SRGAP3: variants seen among roughly 807,000 people sequenced by gnomAD.
The protein encoded by SRGAP3 is SLIT-ROBO Rho GTPase activating protein 3.
Under a neutral mutation model 121.1 loss-of-function variants are expected in SRGAP3, and 39 were observed. That is an observed-to-expected ratio of 0.32 (90% CI 0.25 to 0.42). The LOEUF is 0.42. Ranked by LOEUF, SRGAP3 falls within the 10% of genes least tolerant of loss-of-function variation. SRGAP3 has a pLI of 1.00. For missense variants in SRGAP3, 1,213 were observed against 1,470.6 expected (o/e 0.82, Z 2.86); for synonymous variants, 601 against 570.0 (o/e 1.05, Z -0.77).
chr3:9,286,680 A>G (rs35808858), intron 3 of SRGAP3, among the ~76,000 whole-genome samples: 28,598 of 145,134 alleles, frequency 0.2, 3,352 homozygotes, highest in African/African-American at 0.29. Flanking sequence ...TCGGCTCACT[A>G]CAAGCTTCGC....
At chr3:9,148,529 T>G (rs1022543597) in intron 1 of SRGAP3, among the ~76,000 whole-genome samples, 2 of 152,364 alleles carry the variant, frequency 1.3e-5, no homozygotes, top group East Asian at 3.9e-4. Flanking sequence ...GGCAATTATT[T>G]GAAACAGGGT....
intron 3 of SRGAP3, among the ~76,000 whole-genome samples, chr3:9,298,542 C>T (rs1954992926): frequency 6.7e-6 from 1 of 149,262 alleles, no homozygotes; most frequent in Non-Finnish European, 1.5e-5. Context: ...CATGCCCCTC[C>T]TTCTACCAGA....
Position 8,982,432 on chromosome 3 carries a change from G to A in SRGAP3, c.*3087C>T. 1 of 224,006 alleles carries A rather than the reference G, an allele frequency of 4.5e-6. No individual in the cohort carries two copies. Among genetic ancestry groups the A allele is most frequent in the South Asian group, 1.8e-4 (1 of 5,434 alleles). 13.9% of individuals were successfully genotyped at this position (224,006 alleles called of 1,614,324 possible). ...TTACTACATTTCCCCCACACTCACT[G>A]TACAGTTAGGTATTTGTTTTTACAT... On this transcript the variant is annotated 3_prime_UTR_variant, in exon 22 of 22. Coordinates refer to ENST00000383836, the MANE Select transcript of SRGAP3 (RefSeq NM_014850.4).
At chr3:9,096,634 C>A (rs541432972) in intron 3 of SRGAP3, among the ~76,000 whole-genome samples, 1 of 151,780 alleles carries the variant, frequency 6.6e-6, no homozygotes, top group Admixed American at 6.6e-5. Context: ...CTCCACACGG[C>A]ACTGGATGAA....
intron 3 of SRGAP3, among the ~76,000 whole-genome samples, chr3:9,261,063 T>C (rs1478843510): frequency 1.3e-5 from 2 of 152,126 alleles, no homozygotes; most frequent in Non-Finnish European, 2.9e-5. Flanking sequence ...GCAAACAGGA[T>C]CTGGAGTGGA....
chr3:9,352,001 C>T (rs2030193525), intron 1 of SRGAP3, among the ~76,000 whole-genome samples: 1 of 152,182 alleles, frequency 6.6e-6, no homozygotes, highest in South Asian at 2.1e-4. Flanking sequence ...TTGACCACCA[C>T]AAGACCACCT....
intron 1 of SRGAP3, among the ~76,000 whole-genome samples, chr3:9,175,595 C>T (rs562879333): frequency 4.0e-4 from 61 of 152,364 alleles, no homozygotes; most frequent in Middle Eastern, 3.4e-3. Flanking sequence ...AGCTGGGACT[C>T]TGGGTACCCC....
chr3:9,320,368 T>C (rs1575001517), intron 3 of SRGAP3, among the ~76,000 whole-genome samples: 1 of 151,870 alleles, frequency 6.6e-6, no homozygotes, highest in Non-Finnish European at 1.5e-5. Flanking sequence ...TGGGAGGTGG[T>C]TGGATCATGG....
At chr3:9,158,484 T>A (rs1950497789) in intron 1 of SRGAP3, among the ~76,000 whole-genome samples, 1 of 152,214 alleles carries the variant, frequency 6.6e-6, no homozygotes, top group African/African-American at 2.4e-5. Flanking sequence ...CTTTGCTGTT[T>A]GAACAATCAT....
intron 18 of SRGAP3, among the ~76,000 whole-genome samples, chr3:8,999,163 G>A (rs190692892): frequency 5.2e-4 from 79 of 152,314 alleles, no homozygotes; most frequent in Admixed American, 4.8e-3. Context: ...CAGCCCCTGA[G>A]CTACAGGAGA....
At chr3:9,117,870 G>C (rs1158317005) in intron 2 of SRGAP3, among the ~76,000 whole-genome samples, 1 of 152,110 alleles carries the variant, frequency 6.6e-6, no homozygotes, top group Admixed American at 6.5e-5. Flanking sequence ...TATAATCGCA[G>C]TGTTTTGGGT....
chr3:8,993,370 T>TG (rs1942191546), intron 19 of SRGAP3, among the ~76,000 whole-genome samples: 1 of 152,018 alleles, frequency 6.6e-6, no homozygotes, highest in Admixed American at 6.5e-5. Flanking sequence ...GTTGGAGAAA[T>TG]GGGGGGATGG....
At chr3:9,021,055 G>A (rs1574922030) in intron 14 of SRGAP3, among the ~76,000 whole-genome samples, 1 of 152,222 alleles carries the variant, frequency 6.6e-6, no homozygotes, top group African/African-American at 2.4e-5. Context: ...TCTCTCATGA[G>A]GGCAGTTCTC....
rs1328518255 is a variant in SRGAP3 at position 9,362,289 on chromosome 3, A to G, written n.214+551T>C. 2.2e-5 allele frequency among the ~76,000 whole-genome samples: 3 copies of G among 136,362 alleles called. No homozygotes were observed. In the East Asian group the frequency reaches 6.9e-4, roughly 31 times the overall value. The allele number at this position is 136,362 out of a possible 152,430, so 89.5% of individuals were successfully genotyped here. A position where few individuals can be genotyped will look rare whatever the true frequency, so the allele number is the denominator to read the frequency against. On this transcript the variant is annotated intron_variant and non_coding_transcript_variant, in intron 1 of 3. Transcript: ENST00000490889. ...AGCAACTCTTCTGCTTCATCTTCCC[A>G]AGTAGCTAGGACTACAGGTGCAGGC...
rs779887573 is a variant in SRGAP3 at position 9,026,973 on chromosome 3, A to G, written c.1562T>C (p.Leu521Pro). The stretch of plus-strand genomic sequence containing the variant: ...GTAACGGATGCAGCTCTCGACTACA[A>G]GCGGTATAGCTTGTCCTGAATCCTT... ...FIKDSGQAIPLVVESCIRYIN... is the reference protein window; with the variant it reads ...FIKDSGQAIPPVVESCIRYIN... Residue 521 changes from leucine to proline, a missense_variant, in exon 13 of 22, where the codon CTT becomes CCT. Transcript: ENST00000383836. 1 of 1,614,086 alleles carries G rather than the reference A, an allele frequency of 6.2e-7. No individual in the cohort carries two copies. The highest frequency in any genetic ancestry group is 8.5e-7 in the Non-Finnish European group (1 of 1,180,038).
chr3:9,326,473 G>A lies in SRGAP3; in HGVS notation n.284-305C>T, dbSNP rs149251702. Among the ~76,000 whole-genome samples the A allele has an allele frequency of 2.2e-3, 333 of 151,848 alleles. 2 individuals carry two copies. Among genetic ancestry groups the A allele is most frequent in the African/African-American group, 7.6e-3 (315 of 41,530 alleles). On this transcript the variant is annotated intron_variant and non_coding_transcript_variant, in intron 2 of 3. Transcript: ENST00000490889. ...GTCACCACATCAATATATTCAGTTT[G>A]GATTATTTTATCTTTTCCATGGCGA...
At chr3:9,128,252 G>C (rs1428925759) in intron 1 of SRGAP3, among the ~76,000 whole-genome samples, 1 of 152,176 alleles carries the variant, frequency 6.6e-6, no homozygotes, top group Non-Finnish European at 1.5e-5. Context: ...TTTATCAAAT[G>C]TGTAAAATAA....
At chr3:9,149,377 C>G (rs1950136158) in intron 1 of SRGAP3, among the ~76,000 whole-genome samples, 1 of 152,132 alleles carries the variant, frequency 6.6e-6, no homozygotes. Context: ...TTTTGATGTC[C>G]CATGAGGCAG....
intron 3 of SRGAP3, among the ~76,000 whole-genome samples, chr3:9,314,862 C>T (rs1955317477): frequency 6.6e-6 from 1 of 152,108 alleles, no homozygotes; most frequent in African/African-American, 2.4e-5. Context: ...GCACTGGAGC[C>T]CGGGTTCTGA....
Sources: gnomAD v4.1 joint callset for allele counts (sites outside exome capture counted in the v4.1 genomes callset) on GRCh38, gnomAD v4.1.1 for gene constraint, MANE v1.5 for transcripts, NCBI Gene and HGNC (gene_info 2026-07-23, HGNC 2026-07-21) for gene names.